RALYL: variants seen among roughly 807,000 people sequenced by gnomAD.
The protein encoded by RALYL is RNA-binding Raly-like protein.
A neutral mutation model predicts 35.1 loss-of-function variants in RALYL; 29 were observed. That is an observed-to-expected ratio of 0.83 (90% confidence interval 0.61 to 1.13). The LOEUF (loss-of-function observed/expected upper bound fraction) is 1.13, where lower values mean the gene tolerates loss of function less well. Among genes scored for constraint, RALYL ranks in the 50% most tolerant of loss-of-function variants. The pLI, the probability that RALYL is intolerant of heterozygous loss-of-function variation, is 0.00. For synonymous variants in RALYL, 120 were observed against 127.6 expected, an observed-to-expected ratio of 0.94 and a Z score of 0.40; for missense variants, 359 against 360.4, an observed-to-expected ratio of 1.00 and a Z score of 0.03.
At chr8:84,814,285 G>GAGTT in intron 4 of RALYL, among the ~76,000 whole-genome samples, 1 of 152,086 alleles carries the variant, frequency 6.6e-6, no homozygotes, top group Non-Finnish European at 1.5e-5. Context: ...GCAGTGCTTT[G>GAGTT]AGTTACATTA....
At chr8:84,719,399 A>C (rs993225020) in intron 2 of RALYL, among the ~76,000 whole-genome samples, 1 of 152,126 alleles carries the variant, frequency 6.6e-6, no homozygotes, top group African/African-American at 2.4e-5. Flanking sequence ...TGTATGCATG[A>C]TATCACCTGC....
At chr8:84,757,976 A>G (rs980100259) in intron 2 of RALYL, among the ~76,000 whole-genome samples, 1 of 152,152 alleles carries the variant, frequency 6.6e-6, no homozygotes, top group East Asian at 1.9e-4. Flanking sequence ...AACAACAGAG[A>G]GAAAAACTAG....
chr8:84,377,322 G>A (rs1424422492), intron 1 of RALYL, among the ~76,000 whole-genome samples: 2 of 151,500 alleles, frequency 1.3e-5, no homozygotes, highest in African/African-American at 4.9e-5. Flanking sequence ...AAAATATCAT[G>A]TGGGCTAAAC....
chr8:84,269,177 A>G (rs1833854299), intron 1 of RALYL, among the ~76,000 whole-genome samples: 1 of 152,186 alleles, frequency 6.6e-6, no homozygotes, highest in Non-Finnish European at 1.5e-5. Flanking sequence ...TATTGAAATT[A>G]TATAATTAAT....
chr8:84,200,727 A>C (rs1212079889), intron 1 of RALYL, among the ~76,000 whole-genome samples: 1 of 152,124 alleles, frequency 6.6e-6, no homozygotes, highest in African/African-American at 2.4e-5. Context: ...GCTATTTTGC[A>C]AATAGTTTGT....
intron 1 of RALYL, among the ~76,000 whole-genome samples, chr8:84,275,013 A>G (rs1006885740): frequency 1.2e-4 from 19 of 152,198 alleles, no homozygotes; most frequent in African/African-American, 4.1e-4. Flanking sequence ...CCATATTTGC[A>G]TCTGGTGTTC....
At chr8:84,639,731 T>C (rs1825921131) in intron 2 of RALYL, among the ~76,000 whole-genome samples, 1 of 151,970 alleles carries the variant, frequency 6.6e-6, no homozygotes. Context: ...TACACCTTGG[T>C]GGAATCCTTA....
At chr8:84,860,633 A>G (rs770883586) in intron 5 of RALYL, among the ~76,000 whole-genome samples, 9 of 152,182 alleles carry the variant, frequency 5.9e-5, no homozygotes, top group Non-Finnish European at 1.0e-4. Context: ...TGCTCTTTGA[A>G]GTAAACTATT....
At chr8:84,476,080 C>T (rs910925959) in intron 1 of RALYL, among the ~76,000 whole-genome samples, 8 of 152,098 alleles carry the variant, frequency 5.3e-5, no homozygotes, top group Non-Finnish European at 1.0e-4. Context: ...AGTCCTACAA[C>T]TTACAGTCTG....
chr8:84,681,008 A>C (rs1376012893), intron 2 of RALYL, among the ~76,000 whole-genome samples: 1 of 151,962 alleles, frequency 6.6e-6, no homozygotes, highest in Non-Finnish European at 1.5e-5. Flanking sequence ...TCTTTAATCC[A>C]TCTTGAATTA....
intron 8 of RALYL, among the ~76,000 whole-genome samples, chr8:84,902,603 C>A (rs778545714): frequency 3.3e-5 from 5 of 152,106 alleles, no homozygotes; most frequent in Admixed American, 3.3e-4. Context: ...AATAGACACT[C>A]TAAAAATGGG....
rs554212820 is a variant in RALYL, at chr8:84,294,326, A to C, written c.-24+109902A>C. Among the ~76,000 whole-genome samples, 25 of 152,222 alleles carry C rather than the reference A, an allele frequency of 1.6e-4. No homozygotes were observed. The East Asian group carries it at 4.4e-3, about 27-fold the overall frequency. The stretch of plus-strand genomic sequence containing the variant: ...AGGATGCAAATTGAGAGATGTAGAA[A>C]AGTTATTTTTTTAAAAAGAGGCATG... On this transcript the variant is annotated intron_variant, in intron 1 of 8. Coordinates refer to ENST00000521268, the MANE Select transcript of RALYL (RefSeq NM_173848.7).
intron 5 of RALYL, among the ~76,000 whole-genome samples, chr8:84,854,373 A>C (rs1836534238): frequency 6.6e-6 from 1 of 151,826 alleles, no homozygotes; most frequent in Non-Finnish European, 1.5e-5. Context: ...AGGAAGAAAA[A>C]GAAAAAAAAA....
At chr8:84,838,265 A>C (rs550442820) in intron 4 of RALYL, among the ~76,000 whole-genome samples, 1 of 152,180 alleles carries the variant, frequency 6.6e-6, no homozygotes, top group Non-Finnish European at 1.5e-5. Flanking sequence ...ACTCAGAAAG[A>C]AAAAGGGGAT....
At chr8:84,674,842 T>C (rs1833895382) in intron 2 of RALYL, among the ~76,000 whole-genome samples, 1 of 152,186 alleles carries the variant, frequency 6.6e-6, no homozygotes, top group Non-Finnish European at 1.5e-5. Flanking sequence ...TAGAAGAAGG[T>C]ACATTTCTTA....
chr8:84,365,125 T>G (rs1195001088), intron 1 of RALYL, among the ~76,000 whole-genome samples: 1 of 152,076 alleles, frequency 6.6e-6, no homozygotes, highest in Admixed American at 6.6e-5. Context: ...AATGAAAAAT[T>G]TTCACTCTTG....
At chr8:84,627,096 T>C (rs1822899894) in intron 2 of RALYL, among the ~76,000 whole-genome samples, 1 of 152,136 alleles carries the variant, frequency 6.6e-6, no homozygotes, top group Admixed American at 6.6e-5. Flanking sequence ...ATCCAAAATC[T>C]GTTACAACGC....
intron 1 of RALYL, among the ~76,000 whole-genome samples, chr8:84,477,513 A>G (rs1169307842): frequency 6.7e-6 from 1 of 149,760 alleles, no homozygotes; most frequent in Non-Finnish European, 1.5e-5. Flanking sequence ...TATATATATC[A>G]AATGTATATA....
At chr8:84,342,592 AC>A (rs1322513855) in intron 1 of RALYL, among the ~76,000 whole-genome samples, 1 of 151,840 alleles carries the variant, frequency 6.6e-6, no homozygotes, top group African/African-American at 2.4e-5. Flanking sequence ...ATAATTGCAT[AC>A]TGAACAGATA....
Sources: gnomAD v4.1 joint callset for allele counts (sites outside exome capture counted in the v4.1 genomes callset) on GRCh38, gnomAD v4.1.1 for gene constraint, MANE v1.5 for transcripts, NCBI Gene and HGNC (gene_info 2026-07-23, HGNC 2026-07-21) for gene names.